Variants in USH2A observed in about 807,000 individuals in gnomAD.
USH2A encodes the protein usherin.
Under a neutral mutation model 538.9 loss-of-function variants are expected in USH2A, and 443 were observed. That is an observed-to-expected ratio of 0.82 (90% CI 0.76 to 0.89). USH2A has a LOEUF of 0.89. Among genes scored for constraint, USH2A ranks in the 40% least tolerant of loss-of-function variants. USH2A has a pLI of 0.00. For missense variants in USH2A, 6,633 were observed against 6,324.8 expected (o/e 1.05, Z -1.65); for synonymous variants, 2,413 against 2,273.5 (o/e 1.06, Z -1.75).
At chr1:215,703,127 G>T (rs1659081684) in intron 61 of USH2A, among the ~76,000 whole-genome samples, 1 of 152,286 alleles carries the variant, frequency 6.6e-6, no homozygotes, top group African/African-American at 2.4e-5. Flanking sequence ...GTTTGCCTGG[G>T]TATCACCAGT....
chr1:215,668,559 G>A (rs1184464779), intron 64 of USH2A, among the ~76,000 whole-genome samples: 2 of 152,212 alleles, frequency 1.3e-5, no homozygotes, highest in Admixed American at 1.3e-4. Flanking sequence ...AGATGAGTAT[G>A]GAGGAGGAGT....
At chr1:216,351,964 G>C (rs994128457) in intron 4 of USH2A, among the ~76,000 whole-genome samples, 7 of 152,198 alleles carry the variant, frequency 4.6e-5, no homozygotes, top group Admixed American at 2.6e-4. Flanking sequence ...GGAAGAAGTA[G>C]TATATGGATC....
intron 21 of USH2A, among the ~76,000 whole-genome samples, chr1:216,171,783 T>C (rs758638131): frequency 2.0e-4 from 30 of 152,056 alleles, no homozygotes; most frequent in Non-Finnish European, 3.7e-4. Flanking sequence ...TTAAATGAGT[T>C]GTCTAATTAC....
chr1:216,421,122 G>T (rs552145099), intron 2 of USH2A, among the ~76,000 whole-genome samples: 2 of 152,034 alleles, frequency 1.3e-5, no homozygotes, highest in Admixed American at 1.3e-4. Context: ...CTTGAGAAAA[G>T]ATTACAGAAT....
chr1:216,294,894 T>C (rs542359149), intron 9 of USH2A, among the ~76,000 whole-genome samples: 1 of 152,050 alleles, frequency 6.6e-6, no homozygotes, highest in South Asian at 2.1e-4. Context: ...ATACTCTTTT[T>C]TAATTGACTT....
chr1:216,367,431 T>C (rs2038619690), intron 3 of USH2A, among the ~76,000 whole-genome samples: 1 of 152,198 alleles, frequency 6.6e-6, no homozygotes, highest in South Asian at 2.1e-4. Flanking sequence ...AAATGTTGTC[T>C]TTTACAAGTT....
rs149833220 is a variant in USH2A at position 216,210,091 on chromosome 1, G to A, written c.3158-2660C>T. 7.3e-3 allele frequency among the ~76,000 whole-genome samples: 1,105 copies of A among 152,196 alleles called. 12 individuals carry two copies. Among genetic ancestry groups the A allele is most frequent in the African/African-American group, 0.025 (1,049 of 41,528 alleles). On this transcript the variant is annotated intron_variant, in intron 15 of 71. Coordinates refer to ENST00000307340, the MANE Select transcript of USH2A (RefSeq NM_206933.4). ...TGGAGGAATGAATACTGCAGAGAGA[G>A]GCCAAGAAGACTCTGAATAGGCAGC...
chr1:215,678,389 C>T (rs1461986802), intron 62 of USH2A, among the ~76,000 whole-genome samples: 1 of 152,108 alleles, frequency 6.6e-6, no homozygotes, highest in Non-Finnish European at 1.5e-5. Flanking sequence ...TACACACTAG[C>T]TTTCTTCTCT....
In USH2A at chr1:215,845,899, A is replaced by G. The variant is rs772094996; in HGVS notation, c.8980T>C (p.Trp2994Arg). 3 of 1,613,930 alleles carry G rather than the reference A, an allele frequency of 1.9e-6. No individual in the cohort carries two copies. Among genetic ancestry groups the G allele is most frequent in the Non-Finnish European group, 1.7e-6 (2 of 1,179,914 alleles). ...CCATTGAAGACAGAGATAAAGATCC[A>G]ATACTCTGTGTTTGGCTTTAGGTGG... is the stretch of plus-strand genomic sequence containing the variant. Reference protein sequence around the residue: ...IGHLKPNTEYWIFISVFNGVH... With the variant: ...IGHLKPNTEYRIFISVFNGVH... Residue 2994 changes from tryptophan to arginine, a missense_variant, in exon 45 of 72, where the codon TGG (tryptophan) becomes CGG (arginine). Physicochemically the swap from Trp to Arg is moderately radical, Grantham distance 101 (BLOSUM62 -3). Coordinates refer to ENST00000307340, the MANE Select transcript of USH2A (RefSeq NM_206933.4).
At chr1:215,874,851 C>T (rs559058123) in intron 43 of USH2A, among the ~76,000 whole-genome samples, 28 of 152,244 alleles carry the variant, frequency 1.8e-4, no homozygotes, top group African/African-American at 6.7e-4. Context: ...ACATAATCCT[C>T]CCAAAGATAT....
chr1:216,278,558 G>A (rs1028087722), intron 11 of USH2A, among the ~76,000 whole-genome samples: 1 of 152,174 alleles, frequency 6.6e-6, no homozygotes, highest in African/African-American at 2.4e-5. Context: ...AGACCACGTG[G>A]CTTGTGCCAA....
chr1:215,897,733 A>AAGAG (rs386369632), intron 40 of USH2A, among the ~76,000 whole-genome samples: 3 of 151,322 alleles, frequency 2.0e-5, no homozygotes, highest in African/African-American at 7.3e-5. Flanking sequence ...GAAAGAAAGA[A>AAGAG]AGAGAGAGAA....
intron 20 of USH2A, among the ~76,000 whole-genome samples, chr1:216,189,285 A>G (rs2034669489): frequency 6.6e-6 from 1 of 151,888 alleles, no homozygotes; most frequent in Non-Finnish European, 1.5e-5. Context: ...AAAACCCTAC[A>G]TAATTGGACC....
intron 35 of USH2A, among the ~76,000 whole-genome samples, chr1:215,975,199 T>A (rs569813275): frequency 3.3e-5 from 5 of 152,314 alleles, no homozygotes; most frequent in Admixed American, 6.5e-5. Flanking sequence ...CTTGTTGATT[T>A]AAGTTTCTTA....
At chr1:215,825,070 A>G (rs1266132784) in intron 47 of USH2A, among the ~76,000 whole-genome samples, 4 of 152,102 alleles carry the variant, frequency 2.6e-5, no homozygotes, top group Non-Finnish European at 4.4e-5. Flanking sequence ...AGTTCTTTAC[A>G]CATATTTTGG....
chr1:215,867,072 C>T lies in USH2A; in HGVS notation c.8780G>A (p.Arg2927Lys), dbSNP rs936841573. 4 of 1,614,088 alleles carry T rather than the reference C, an allele frequency of 2.5e-6. No individual in the cohort carries two copies. The African/African-American group carries it at 4.0e-5, about 16-fold the overall frequency. Reference protein sequence around the residue: ...TVTTLAGLPERGANLTASVLN... With the variant: ...TVTTLAGLPEKGANLTASVLN... ...GACACTCGCAGTGAGATTGGCTCCTCTCTCTGGAAGACCAGCTAACGTTGT... is the reference window on the plus strand; with the variant it reads ...GACACTCGCAGTGAGATTGGCTCCTTTCTCTGGAAGACCAGCTAACGTTGT... Residue 2927 changes from arginine to lysine, a missense_variant, in exon 44 of 72, where the codon AGA becomes AAA. Physicochemically the swap from Arg to Lys is conservative, Grantham distance 26. Transcript: ENST00000307340.
intron 61 of USH2A, among the ~76,000 whole-genome samples, chr1:215,694,137 G>C (rs1260854341): frequency 1.3e-5 from 2 of 152,158 alleles, no homozygotes; most frequent in Admixed American, 6.5e-5. Flanking sequence ...TTGTTGTTGA[G>C]CCTAAAGTCC....
At chr1:215,719,273 A>T (rs1659582661) in intron 61 of USH2A, among the ~76,000 whole-genome samples, 1 of 149,500 alleles carries the variant, frequency 6.7e-6, no homozygotes, top group South Asian at 2.1e-4. Flanking sequence ...TAGGGTGGAA[A>T]TCTCCTGAGG....
intron 61 of USH2A, among the ~76,000 whole-genome samples, chr1:215,708,788 G>A (rs1002992994): frequency 6.6e-6 from 1 of 152,242 alleles, no homozygotes; most frequent in East Asian, 1.9e-4. Flanking sequence ...CTGCTGTGTG[G>A]CTTGGTTCCC....
Sources: gnomAD v4.1 joint callset for allele counts (sites outside exome capture counted in the v4.1 genomes callset) on GRCh38, gnomAD v4.1.1 for gene constraint, MANE v1.5 for transcripts, NCBI Gene and HGNC (gene_info 2026-07-23, HGNC 2026-07-21) for gene names.